Variants in BRINP3 observed in about 807,000 individuals in gnomAD.
BRINP3 encodes the protein BMP/retinoic acid inducible neural specific 3, also known as BMP/retinoic acid-inducible neural-specific protein 3.
In BRINP3, 19 loss-of-function variants were observed where a neutral mutation model predicts 71.0. The observed-to-expected ratio is 0.27, with a 90% CI of 0.19 to 0.39. The LOEUF is 0.39. Ranked by LOEUF, BRINP3 falls within the 10% of genes least tolerant of loss-of-function variation. The pLI is 1.00. For synonymous variants in BRINP3, 380 were observed against 337.7 expected (o/e 1.13, Z -1.37); for missense variants, 959 against 940.8 (o/e 1.02, Z -0.25).
intron 1 of BRINP3, among the ~76,000 whole-genome samples, chr1:190,462,166 T>C (rs1676440710): frequency 6.6e-6 from 1 of 151,870 alleles, no homozygotes; most frequent in Non-Finnish European, 1.5e-5. Flanking sequence ...CTCATCTCAG[T>C]CTCCCAAAGT....
intron 2 of BRINP3, among the ~76,000 whole-genome samples, chr1:190,421,591 T>A (rs1249424974): frequency 6.6e-6 from 1 of 151,676 alleles, no homozygotes. Context: ...TTGGAATGAG[T>A]CATTAATGTG....
At chr1:190,280,804 G>GAATCAGTACCCAAGTAA (rs1662978200) in intron 3 of BRINP3, among the ~76,000 whole-genome samples, 1 of 151,710 alleles carries the variant, frequency 6.6e-6, no homozygotes, top group Non-Finnish European at 1.5e-5. Context: ...TGCAATTGTG[G>GAATCAGTACCCAAGTAA]GACATGATTT....
intron 5 of BRINP3, 43 bp downstream of exon 5, chr1:190,234,329 C>A: frequency 7.1e-7 from 1 of 1,407,942 alleles, no homozygotes; most frequent in South Asian, 1.3e-5. Flanking sequence ...TGGATAATTG[C>A]TATTCAGGCT....
intron 2 of BRINP3, among the ~76,000 whole-genome samples, chr1:190,388,864 T>C (rs1466712167): frequency 4.6e-5 from 7 of 151,746 alleles, no homozygotes; most frequent in Non-Finnish European, 2.9e-5. Context: ...ATGCAACACT[T>C]ATGAAGATGT....
At chr1:190,127,178 A>G (rs1317376398) in intron 7 of BRINP3, among the ~76,000 whole-genome samples, 2 of 151,686 alleles carry the variant, frequency 1.3e-5, no homozygotes, top group African/African-American at 4.8e-5. Flanking sequence ...TTTTTATCTG[A>G]ATTTATTTTT....
chr1:190,459,903 C>CT (rs529242358), intron 1 of BRINP3, among the ~76,000 whole-genome samples: 13 of 151,740 alleles, frequency 8.6e-5, no homozygotes, highest in South Asian at 4.2e-4. Context: ...GTTTTGTTTT[C>CT]TTTTTTTTCT....
chr1:190,331,830 A>C (rs1395692379), intron 2 of BRINP3, among the ~76,000 whole-genome samples: 1 of 152,058 alleles, frequency 6.6e-6, no homozygotes, highest in African/African-American at 2.4e-5. Flanking sequence ...GCCTAACACA[A>C]TTAATAAATT....
Position 190,160,794 on chromosome 1 carries a change from C to A in BRINP3, c.1058G>T (p.Arg353Leu). 6.2e-7 allele frequency: 1 copy of A among 1,613,468 alleles called. No individual in the cohort carries two copies. Among genetic ancestry groups the A allele is most frequent in the South Asian group, 1.1e-5 (1 of 91,054 alleles). ...GCTGTTCTCCAGTTGTTCATAACGGCGCTGAAAATTAGAATCCATTGTCCA... is the reference window on the plus strand; with the variant it reads ...GCTGTTCTCCAGTTGTTCATAACGGAGCTGAAAATTAGAATCCATTGTCCA... ...HLWTMDSNFQ[R>L]RYEQLENSMK... is the part of the protein sequence containing the mutation. The change falls in exon 7 of 8, where the codon CGC (arginine) becomes CTC (leucine). Residue 353 changes from arginine (R) to leucine (L), a missense_variant. Physicochemically the swap from Arg to Leu is moderately radical, Grantham distance 102. Transcript: ENST00000367462.
intron 2 of BRINP3, among the ~76,000 whole-genome samples, chr1:190,357,644 C>T (rs962924838): frequency 3.3e-5 from 5 of 151,978 alleles, no homozygotes; most frequent in Admixed American, 6.6e-5. Flanking sequence ...ATTGTCTTGG[C>T]GATGCGGGAT....
At chr1:190,313,612 T>A (rs1490299476) in intron 2 of BRINP3, among the ~76,000 whole-genome samples, 1 of 152,004 alleles carries the variant, frequency 6.6e-6, no homozygotes, top group African/African-American at 2.4e-5. Context: ...TCAACAATAA[T>A]CAACACTTAC....
intron 6 of BRINP3, among the ~76,000 whole-genome samples, chr1:190,198,962 T>C (rs571935792): frequency 2.6e-5 from 4 of 152,258 alleles, no homozygotes; most frequent in African/African-American, 9.6e-5. Flanking sequence ...AATAAAGACA[T>C]ACTAGAGACA....
intron 2 of BRINP3, among the ~76,000 whole-genome samples, chr1:190,354,119 A>T (rs926379154): frequency 6.6e-6 from 1 of 151,918 alleles, no homozygotes; most frequent in Non-Finnish European, 1.5e-5. Flanking sequence ...GTTCTCTGTG[A>T]TGCTTGCTAC....
Position 190,255,094 on chromosome 1 carries a change from C to T in BRINP3, c.618+9771G>A, listed in dbSNP as rs549529178. On this transcript the variant is annotated intron_variant, in intron 4 of 7. Coordinates refer to ENST00000367462, the MANE Select transcript of BRINP3 (RefSeq NM_199051.3). ...ATTATGGTTATTGATTTGCATATGT[C>T]GAACCAGCCTTGCATCCCAGGGTGA... Among the ~76,000 whole-genome samples, 20 of 151,236 alleles carry T rather than the reference C, an allele frequency of 1.3e-4. No individual in the cohort carries two copies. The South Asian group carries it at 1.5e-3, about 11-fold the overall frequency.
chr1:190,109,473 A>C (rs1313170220), intron 7 of BRINP3, among the ~76,000 whole-genome samples: 1 of 152,210 alleles, frequency 6.6e-6, no homozygotes, highest in Non-Finnish European at 1.5e-5. Flanking sequence ...ACCATAAAGT[A>C]ATAATCATAA....
intron 2 of BRINP3, among the ~76,000 whole-genome samples, chr1:190,395,635 A>C (rs1296897944): frequency 6.6e-6 from 1 of 151,766 alleles, no homozygotes; most frequent in Non-Finnish European, 1.5e-5. Flanking sequence ...TAATTTAATT[A>C]TCTCTCTAGA....
intron 6 of BRINP3, among the ~76,000 whole-genome samples, chr1:190,224,335 C>A (rs1657143755): frequency 6.6e-6 from 1 of 151,644 alleles, no homozygotes; most frequent in Non-Finnish European, 1.5e-5. Flanking sequence ...TATATATCCA[C>A]ACATTTACAG....
intron 1 of BRINP3, among the ~76,000 whole-genome samples, chr1:190,461,634 A>G (rs1676404434): frequency 6.6e-6 from 1 of 152,192 alleles, no homozygotes; most frequent in Non-Finnish European, 1.5e-5. Flanking sequence ...AGAGTGAATG[A>G]ATAAATGTTG....
intron 6 of BRINP3, among the ~76,000 whole-genome samples, chr1:190,165,090 C>A (rs370732503): frequency 6.6e-6 from 1 of 150,560 alleles, no homozygotes; most frequent in Non-Finnish European, 1.5e-5. Flanking sequence ...TAATATCTAA[C>A]GAAATACATA....
intron 1 of BRINP3, chr1:190,474,728 A>T (rs994248158): frequency 4.6e-5 from 7 of 152,166 alleles, no homozygotes; most frequent in Admixed American, 4.6e-4. Context: ...TAAAGGGCTG[A>T]TCACGTTCTC....
Sources: gnomAD v4.1 joint callset for allele counts (sites outside exome capture counted in the v4.1 genomes callset) on GRCh38, gnomAD v4.1.1 for gene constraint, MANE v1.5 for transcripts, NCBI Gene and HGNC (gene_info 2026-07-23, HGNC 2026-07-21) for gene names.